CCDC12: variants seen among roughly 807,000 people sequenced by gnomAD.
CCDC12 encodes the protein coiled-coil domain containing 12, also known as coiled-coil domain-containing protein 12.
A neutral mutation model predicts 25.7 loss-of-function variants in CCDC12; 28 were observed. The observed-to-expected ratio is 1.09, with a 90% CI of 0.81 to 1.50. The LOEUF (loss-of-function observed/expected upper bound fraction) is 1.50. Ranked by LOEUF, CCDC12 falls within the 40% of genes most tolerant of loss-of-function variation. CCDC12 has a pLI of 0.00. For synonymous variants in CCDC12, 75 were observed against 87.7 expected, an observed-to-expected ratio of 0.86 and a Z score of 0.81; for missense variants, 198 against 210.0, an observed-to-expected ratio of 0.94 and a Z score of 0.35.
chr3:46,953,341 A>G (rs918262569), intron 1 of CCDC12, among the ~76,000 whole-genome samples: 1 of 152,134 alleles, frequency 6.6e-6, no homozygotes, highest in African/African-American at 2.4e-5. Context: ...CGCCAGGGGT[A>G]AGAGTCCTAT....
chr3:46,932,074 C>A (rs1355081385), intron 2 of CCDC12, among the ~76,000 whole-genome samples: 1 of 152,114 alleles, frequency 6.6e-6, no homozygotes, highest in Admixed American at 6.5e-5. Context: ...GCAACTACCC[C>A]AAATGAGGTA....
At chr3:46,976,376 A>G in intron 1 of CCDC12, 1 of 1,384,324 alleles carries the variant, frequency 7.2e-7, no homozygotes, top group Admixed American at 3.1e-5. Context: ...GGGAAGCAGG[A>G]GTCAGATGGA....
chr3:46,980,068 G>T (rs1227025866), upstream of CCDC12, among the ~76,000 whole-genome samples: 9 of 151,786 alleles, frequency 5.9e-5, no homozygotes, highest in Admixed American at 5.9e-4. Flanking sequence ...CCGCACACAC[G>T]TGTGTGCCCC....
intron 2 of CCDC12, among the ~76,000 whole-genome samples, chr3:46,936,717 T>A (rs887976861): frequency 6.6e-6 from 1 of 151,904 alleles, no homozygotes; most frequent in African/African-American, 2.4e-5. Flanking sequence ...GTCCCTAAAT[T>A]AAAGCAGAAA....
intron 1 of CCDC12, among the ~76,000 whole-genome samples, chr3:46,973,058 T>TA (rs59781582): frequency 0.01 from 1,434 of 139,192 alleles, 19 homozygotes; most frequent in African/African-American, 0.031. Flanking sequence ...CACCCGAATT[T>TA]AAAAAAAAAA....
rs867519161 is a variant in CCDC12 at position 46,973,618 on chromosome 3, T to C, written c.96+3019A>G. Among the ~76,000 whole-genome samples the C allele has an allele frequency of 5.2e-3, 756 of 145,554 alleles. 6 individuals are homozygous for C. The highest frequency in any genetic ancestry group is 0.018 in the African/African-American group (713 of 39,810). On this transcript the variant is annotated intron_variant, in intron 1 of 6. Transcript: ENST00000683445. Reference sequence around the variant, plus strand: ...ACTCCCATGTTTCTTCTTTTCTTTTTTTTTTTTTTTTTTGAGATGGAGTCT... The same window carrying C: ...ACTCCCATGTTTCTTCTTTTCTTTTCTTTTTTTTTTTTTGAGATGGAGTCT...
At chr3:46,953,089 C>T (rs553887405) in intron 1 of CCDC12, among the ~76,000 whole-genome samples, 5 of 152,236 alleles carry the variant, frequency 3.3e-5, no homozygotes, top group Admixed American at 1.3e-4. Context: ...TCAAACCCAT[C>T]GAGAGCCCCA....
At chr3:46,941,338 G>C (rs1055597651) in intron 1 of CCDC12, among the ~76,000 whole-genome samples, 1 of 152,146 alleles carries the variant, frequency 6.6e-6, no homozygotes, top group Non-Finnish European at 1.5e-5. Flanking sequence ...CGAGGTGGGC[G>C]GATCTCGAGG....
In CCDC12 at chr3:46,925,490, C is replaced by G. The variant is rs2032910559; in HGVS notation, c.210G>C (p.Lys70Asn). 1 of 1,608,252 alleles carries G rather than the reference C, an allele frequency of 6.2e-7. No individual in the cohort carries two copies. Among genetic ancestry groups the G allele is most frequent in the African/African-American group, 1.3e-5 (1 of 74,868 alleles). ...GTTTGGCCTGGGGCACCCTCCTCTT[C>G]TTCAGGTCCTCATCCTCCGGGACAT... ...RNYVPEDEDL[K>N]KRRVPQAKPV... is the part of the protein sequence containing the mutation. Residue 70 changes from lysine (K) to asparagine (N), a missense_variant, in exon 3 of 7, where the codon AAG (lysine) becomes AAC (asparagine). Transcript: ENST00000683445.
intron 2 of CCDC12, 51 bp downstream of exon 2, chr3:46,940,947 C>T (rs753468492): frequency 7.2e-5 from 112 of 1,566,364 alleles, no homozygotes; most frequent in East Asian, 9.0e-5. Context: ...ACTGGGAGAC[C>T]GATGAGTGCT....
chr3:46,924,358 T>C (rs1055974613), intron 3 of CCDC12, among the ~76,000 whole-genome samples: 1 of 152,230 alleles, frequency 6.6e-6, no homozygotes, highest in Non-Finnish European at 1.5e-5. Context: ...CTCTCTGTCC[T>C]GCCTACTATC....
intron 1 of CCDC12, among the ~76,000 whole-genome samples, chr3:46,954,139 C>A (rs2034215098): frequency 6.6e-6 from 1 of 152,150 alleles, no homozygotes; most frequent in South Asian, 2.1e-4. Context: ...CACAGGGGGC[C>A]CACCTGGTCA....
At chr3:46,969,622 C>T (rs75469479) in intron 1 of CCDC12, among the ~76,000 whole-genome samples, 2,254 of 152,226 alleles carry the variant, frequency 0.015, 151 homozygotes, top group Admixed American at 0.11. Context: ...ACAGATGGCC[C>T]CAAATCAGCA....
At chr3:46,942,386 G>A (rs768060408) in intron 1 of CCDC12, among the ~76,000 whole-genome samples, 9 of 152,354 alleles carry the variant, frequency 5.9e-5, no homozygotes, top group Admixed American at 3.3e-4. Flanking sequence ...TTTGACTCTC[G>A]CAGAGCAGTG....
In CCDC12 at chr3:46,966,453, C is replaced by T. The variant is rs540017322; in HGVS notation, c.96+10184G>A. ...GCTTGAGCACGGGGCGGGGCAGAGG[C>T]TGCAGTGAGCTGAGACTGCGCCACT... On this transcript the variant is annotated intron_variant, in intron 1 of 6. Transcript: ENST00000683445. Among the ~76,000 whole-genome samples the T allele has an allele frequency of 1.5e-3, 234 of 151,990 alleles. 1 individual carries two copies. The highest frequency in any genetic ancestry group is 5.3e-3 in the African/African-American group (220 of 41,448).
chr3:46,979,607 C>T (rs1575572763), upstream of CCDC12: 2 of 287,260 alleles, frequency 7.0e-6, no homozygotes, highest in Non-Finnish European at 1.3e-5. Context: ...TACATGGTCC[C>T]AGGAGAGGCG....
chr3:46,974,301 T>C (rs538096358), intron 1 of CCDC12, among the ~76,000 whole-genome samples: 1 of 152,336 alleles, frequency 6.6e-6, no homozygotes, highest in East Asian at 1.9e-4. Context: ...TGTATGTGTA[T>C]TTTCCCACAA....
intron 1 of CCDC12, among the ~76,000 whole-genome samples, chr3:46,974,129 G>A (rs1329205053): frequency 6.6e-6 from 1 of 152,192 alleles, no homozygotes; most frequent in Non-Finnish European, 1.5e-5. Context: ...ATTACATGAG[G>A]TACCTAGAGT....
chr3:46,962,121 G>A lies in CCDC12; in HGVS notation c.96+14516C>T, dbSNP rs146168835. Among the ~76,000 whole-genome samples the A allele has an allele frequency of 3.7e-3, 562 of 152,220 alleles. 4 individuals are homozygous for A. Among genetic ancestry groups the A allele is most frequent in the African/African-American group, 0.013 (538 of 41,530 alleles). The stretch of plus-strand genomic sequence containing the variant: ...AAATGATAAACTACATTAAAATTAA[G>A]AACTACTATTCGCCAAAGAATTCAA... On this transcript the variant is annotated intron_variant, in intron 1 of 6. Transcript: ENST00000683445.
Sources: gnomAD v4.1 joint callset for allele counts (sites outside exome capture counted in the v4.1 genomes callset) on GRCh38, gnomAD v4.1.1 for gene constraint, MANE v1.5 for transcripts, NCBI Gene and HGNC (gene_info 2026-07-23, HGNC 2026-07-21) for gene names.